Variants in MOGAT2 observed in about 807,000 individuals in gnomAD.
MOGAT2 encodes monoacylglycerol O-acyltransferase 2.
A neutral mutation model predicts 31.5 loss-of-function variants in MOGAT2; 27 were observed. That is an observed-to-expected ratio of 0.86 (90% CI 0.63 to 1.18). The LOEUF (loss-of-function observed/expected upper bound fraction) is 1.18, where lower values mean the gene tolerates loss of function less well. Among genes scored for constraint, MOGAT2 ranks in the 50% most tolerant of loss-of-function variants. MOGAT2 has a pLI of 0.00. For missense variants in MOGAT2, 436 were observed against 433.2 expected (o/e 1.01, Z -0.06); for synonymous variants, 163 against 170.0 (o/e 0.96, Z 0.32).
Position 75,727,706 on chromosome 11 carries a change from T to C in MOGAT2, c.475+67T>C, listed in dbSNP as rs1944434257. ...TTTTCGGAAGGGTTGCCAATAGTTC[T>C]GTACTTCTTCCAAGAGCGTGTGCAG... On this transcript the variant is annotated intron_variant, in intron 3 of 5. Coordinates refer to ENST00000198801, the MANE Select transcript of MOGAT2 (RefSeq NM_025098.4). 10 of 1,468,926 alleles carry C rather than the reference T, an allele frequency of 6.8e-6. No homozygotes were observed. In the African/African-American group the frequency reaches 1.3e-4, roughly 18 times the overall value. The allele number at this position is 1,468,926 out of a possible 1,614,324, so 91.0% of individuals were successfully genotyped here.
At position 75,731,639 on chromosome 11, in the gene MOGAT2, C is replaced by G. The variant is rs1297390790; in HGVS notation, c.*353C>G. 1.0e-5 allele frequency: 2 copies of G among 192,090 alleles called. No homozygotes were observed. Among genetic ancestry groups the G allele is most frequent in the Non-Finnish European group, 2.1e-5 (2 of 94,982 alleles). The allele number at this position is 192,090 out of a possible 1,614,324, so 11.9% of individuals were successfully genotyped here. On this transcript the variant is annotated 3_prime_UTR_variant, in exon 6 of 6. Transcript: ENST00000198801. ...TAGGCTGCACACCTCACAAGCATCT[C>G]TTCTACTGCATTCTGTTGGTCGAAG...
intron 1 of MOGAT2, among the ~76,000 whole-genome samples, chr11:75,718,782 G>T (rs1944351759): frequency 1.3e-5 from 2 of 152,150 alleles, no homozygotes; most frequent in Non-Finnish European, 2.9e-5. Context: ...GGAGGGTCTG[G>T]ATCTGTGGCT....
intron 2 of MOGAT2, among the ~76,000 whole-genome samples, chr11:75,721,054 AG>A (rs1944372721): frequency 6.6e-6 from 1 of 152,108 alleles, no homozygotes; most frequent in African/African-American, 2.4e-5. Flanking sequence ...AGGCAGGGGC[AG>A]TTGGCCCTCC....
In MOGAT2 at chr11:75,718,126, A is replaced by G; in HGVS notation, c.91+147A>G. The G allele has an allele frequency of 8.5e-6, 7 of 824,004 alleles. No individual in the cohort carries two copies. The Admixed American group carries it at 8.9e-5, about 10-fold the overall frequency. 51.0% of individuals were successfully genotyped at this position (824,004 alleles called of 1,614,324 possible). A position where few individuals can be genotyped will look rare whatever the true frequency, so the allele number is the denominator to read the frequency against. ...CGCTCAGAGCCCCTGCCCAGAGAGA[A>G]CTCCTGGGCCTGCCCAGAGGCTTCT... On this transcript the variant is annotated intron_variant, in intron 1 of 5. Transcript: ENST00000198801.
At position 75,717,925 on chromosome 11, in the gene MOGAT2, CG is replaced by C; in HGVS notation, c.38del (p.Arg13ProfsTer27). The C allele has an allele frequency of 6.2e-7, 1 of 1,614,196 alleles. No homozygotes were observed. Among genetic ancestry groups the C allele is most frequent in the Non-Finnish European group, 8.5e-7 (1 of 1,180,028 alleles). On this transcript the variant is annotated frameshift_variant, in exon 1 of 6. Transcript: ENST00000198801. LOFTEE classifies it high-confidence loss of function. ...CGCGCCCTTGTTTATGCCGTGGGAGCGCAGGCTGCAGACACTTGCTGTCCTA... is the reference window on the plus strand; with the variant it reads ...CGCGCCCTTGTTTATGCCGTGGGAGCCAGGCTGCAGACACTTGCTGTCCTA... ...EFAPLFMPWERRLQTLAVLQF... is the reference protein window; with the variant it reads ...EFAPLFMPWEXRLQTLAVLQF...
In MOGAT2 at chr11:75,720,828, G is replaced by A. The variant is rs577811905; in HGVS notation, c.270+658G>A. Among the ~76,000 whole-genome samples, 183 of 152,198 alleles carry A rather than the reference G, an allele frequency of 1.2e-3. 1 individual carries two copies. Among genetic ancestry groups the A allele is most frequent in the South Asian group, 5.2e-3 (25 of 4,820 alleles). The stretch of plus-strand genomic sequence containing the variant: ...CATGCCTTCAAATCTCTGGCTTTCC[G>A]ACTCCTGTCACCTCGTGGTCATTGT... On this transcript the variant is annotated intron_variant, in intron 2 of 5. Coordinates refer to ENST00000198801, the MANE Select transcript of MOGAT2 (RefSeq NM_025098.4).
At chr11:75,722,022 C>A (rs189969330) in intron 2 of MOGAT2, among the ~76,000 whole-genome samples, 2 of 152,170 alleles carry the variant, frequency 1.3e-5, no homozygotes, top group East Asian at 3.9e-4. Context: ...CAGCGGGCAG[C>A]GGCTGGCAGA....
intron 2 of MOGAT2, among the ~76,000 whole-genome samples, chr11:75,725,415 G>A (rs1944412941): frequency 6.6e-6 from 1 of 152,084 alleles, no homozygotes; most frequent in Non-Finnish European, 1.5e-5. Context: ...AAGTGTGATG[G>A]CATGTGCCTG....
intron 4 of MOGAT2, 175 bp from the exon 5 acceptor site, chr11:75,728,615 C>G: frequency 1.6e-6 from 1 of 622,134 alleles, no homozygotes; most frequent in South Asian, 2.0e-5. Context: ...TGCCCAAGGT[C>G]AGAGAATGGG....
At chr11:75,730,266 G>T (rs1944463468) in intron 5 of MOGAT2, among the ~76,000 whole-genome samples, 1 of 152,190 alleles carries the variant, frequency 6.6e-6, no homozygotes, top group Admixed American at 6.5e-5. Flanking sequence ...GATGAGTTAG[G>T]TCCTTCCTGG....
chr11:75,728,651 A>G (rs1418345069), intron 4 of MOGAT2, 139 bp from the exon 5 acceptor site: 12 of 707,034 alleles, frequency 1.7e-5, no homozygotes, highest in Non-Finnish European at 2.9e-5. Context: ...GAGATAACCC[A>G]GGCCTCCACC....
intron 5 of MOGAT2, among the ~76,000 whole-genome samples, chr11:75,730,457 C>G (rs1167547785): frequency 6.6e-6 from 1 of 152,232 alleles, no homozygotes; most frequent in Non-Finnish European, 1.5e-5. Context: ...GGTCTAAAAC[C>G]TGGCAGTGGT....
In MOGAT2 at chr11:75,728,806, ATCT is replaced by A. The variant is rs751852989; in HGVS notation, c.671_673del (p.Phe224del). On this transcript the variant is annotated inframe_deletion, in exon 5 of 6. Transcript: ENST00000198801. ...TGTCTCCAGGGCACCCCTGGTGCCA[ATCT>A]TCTCCTTCGGGGAGAATGACCTATT... 4.5e-5 allele frequency: 72 copies of A among 1,614,048 alleles called. No homozygotes were observed. Among genetic ancestry groups the A allele is most frequent in the Non-Finnish European group, 5.3e-5 (62 of 1,180,024 alleles).
At position 75,728,815 on chromosome 11, in the gene MOGAT2, T is replaced by G. The variant is rs781169851; in HGVS notation, c.676T>G (p.Phe226Val). Residue 226 changes from phenylalanine to valine, a missense_variant, in exon 5 of 6, where the codon TTC (phenylalanine) becomes GTC (valine). By Grantham distance (50) the Phe-to-Val change is conservative. Transcript: ENST00000198801. ...HGAPLVPIFS[F>V]GENDLFDQIP... is the part of the protein sequence containing the mutation. ...GGCACCCCTGGTGCCAATCTTCTCC[T>G]TCGGGGAGAATGACCTATTTGACCA... 9 of 1,614,234 alleles carry G rather than the reference T, an allele frequency of 5.6e-6. No homozygotes were observed. The highest frequency in any genetic ancestry group is 6.8e-6 in the Non-Finnish European group (8 of 1,180,040).
chr11:75,728,996 C>T lies in MOGAT2; in HGVS notation c.850+7C>T. 6.2e-7 allele frequency: 1 copy of T among 1,613,252 alleles called. No individual in the cohort carries two copies. Among genetic ancestry groups the T allele is most frequent in the Non-Finnish European group, 8.5e-7 (1 of 1,179,902 alleles). On this transcript the variant is annotated splice_region_variant and intron_variant, in intron 5 of 5. Transcript: ENST00000198801. ...CGGCCCATCACCACTGTGGGTAAGT[C>T]CAGGACCAGGCTGGGAGGGAGGAGG...
In MOGAT2 at chr11:75,728,935, G is replaced by A. The variant is rs1388116310; in HGVS notation, c.796G>A (p.Val266Ile). 6.2e-7 allele frequency: 1 copy of A among 1,614,034 alleles called. No individual in the cohort carries two copies. Among genetic ancestry groups the A allele is most frequent in the African/African-American group, 1.3e-5 (1 of 74,922 alleles). Residue 266 changes from valine to isoleucine, a missense_variant, in exon 5 of 6, where the codon GTC becomes ATC. Transcript: ENST00000198801. The part of the protein sequence containing the change: ...ISLPLFHGRG[V>I]FQYSFGLIPY... ...CCTCCCACTCTTTCATGGCCGTGGT[G>A]TCTTCCAGTACAGCTTTGGTTTAAT...
At chr11:75,723,502 ACAG>A (rs1289929869) in intron 2 of MOGAT2, among the ~76,000 whole-genome samples, 1 of 147,824 alleles carries the variant, frequency 6.8e-6, no homozygotes, top group Non-Finnish European at 1.5e-5. Flanking sequence ...GGGTGAAGAG[ACAG>A]TAGGGATCCT....
chr11:75,725,816 G>A (rs527483652), intron 2 of MOGAT2, among the ~76,000 whole-genome samples: 539 of 152,322 alleles, frequency 3.5e-3, no homozygotes, highest in African/African-American at 0.012. Flanking sequence ...TCTGACCTGA[G>A]GGAGTGCACA....
intron 5 of MOGAT2, among the ~76,000 whole-genome samples, 193 bp downstream of exon 5, chr11:75,729,182 A>C (rs966193570): frequency 6.6e-5 from 10 of 152,258 alleles, no homozygotes; most frequent in African/African-American, 1.9e-4. Context: ...AGGTGCCAAC[A>C]GCAATAGTTG....
Sources: gnomAD v4.1 joint callset for allele counts (sites outside exome capture counted in the v4.1 genomes callset) on GRCh38, gnomAD v4.1.1 for gene constraint, MANE v1.5 for transcripts, NCBI Gene and HGNC (gene_info 2026-07-23, HGNC 2026-07-21) for gene names.